The following EIPR1 variants were observed in gnomAD, a reference collection of about 807,000 sequenced individuals.
EIPR1 encodes the protein EARP and GARP complex-interacting protein 1.
EIPR1 carries 25 observed loss-of-function variants against 48.1 expected under a neutral mutation model. That is an observed-to-expected ratio of 0.52 (90% confidence interval 0.38 to 0.73). The LOEUF (loss-of-function observed/expected upper bound fraction) is 0.73. Among genes scored for constraint, EIPR1 ranks in the 30% least tolerant of loss-of-function variants. EIPR1 has a pLI of 0.00. For synonymous variants in EIPR1, 204 were observed against 201.9 expected, an observed-to-expected ratio of 1.01 and a Z score of -0.09; for missense variants, 415 against 506.2, an observed-to-expected ratio of 0.82 and a Z score of 1.73.
chr2:3,234,493 C>T (rs561902458), intron 4 of EIPR1, among the ~76,000 whole-genome samples: 10 of 152,244 alleles, frequency 6.6e-5, no homozygotes, highest in African/African-American at 2.2e-4. Flanking sequence ...TGTGTCACGA[C>T]GCTCCACACT....
At chr2:3,336,056 G>C (rs923549373) in intron 3 of EIPR1, among the ~76,000 whole-genome samples, 1 of 152,152 alleles carries the variant, frequency 6.6e-6, no homozygotes, top group African/African-American at 2.4e-5. Flanking sequence ...TGCAGGCCTA[G>C]GAAGGGCCTC....
intron 7 of EIPR1, among the ~76,000 whole-genome samples, chr2:3,193,150 C>T (rs781335688): frequency 2.4e-4 from 37 of 152,344 alleles, no homozygotes; most frequent in East Asian, 1.2e-3. Flanking sequence ...AGGCCCTTGA[C>T]GCTAGGAGGT....
At chr2:3,235,602 T>C (rs1477340700) in intron 4 of EIPR1, among the ~76,000 whole-genome samples, 1 of 152,236 alleles carries the variant, frequency 6.6e-6, no homozygotes, top group South Asian at 2.1e-4. Context: ...GTGGTGCCCC[T>C]GCAATTACAG....
At position 3,338,153 on chromosome 2, in the gene EIPR1, C is replaced by A; in HGVS notation, c.127-4G>T. The A allele has an allele frequency of 6.2e-7, 1 of 1,608,496 alleles. No homozygotes were observed. The highest frequency in any genetic ancestry group is 8.5e-7 in the Non-Finnish European group (1 of 1,178,902). On this transcript the variant is annotated splice_region_variant and splice_polypyrimidine_tract_variant and intron_variant, in intron 2 of 8. Transcript: ENST00000382125. ...CGTCAAAATCTATGATATGGATCTA[C>A]AAATACAAGAAAAGAGCACATCAGG...
chr2:3,306,825 C>G (rs575457941), intron 3 of EIPR1, among the ~76,000 whole-genome samples: 2 of 151,794 alleles, frequency 1.3e-5, no homozygotes, highest in South Asian at 4.2e-4. Flanking sequence ...CGTAAGTGGA[C>G]CCCCCCAGTC....
intron 1 of EIPR1, among the ~76,000 whole-genome samples, chr2:3,371,749 A>G (rs925912801): frequency 3.3e-5 from 5 of 152,208 alleles, no homozygotes; most frequent in Non-Finnish European, 7.3e-5. Context: ...TGAGTGACCT[A>G]CAAAGAGACT....
chr2:3,318,208 T>C (rs1669374443), intron 3 of EIPR1, among the ~76,000 whole-genome samples: 1 of 152,000 alleles, frequency 6.6e-6, no homozygotes, highest in Admixed American at 6.5e-5. Flanking sequence ...ACATGTGGGG[T>C]TGAGGGAGAA....
chr2:3,352,977 A>G (rs532631367), intron 2 of EIPR1, among the ~76,000 whole-genome samples: 1 of 152,362 alleles, frequency 6.6e-6, no homozygotes, highest in Admixed American at 6.5e-5. Context: ...AGCCTGGGCA[A>G]CAGAGTGAAA....
At chr2:3,365,308 T>C (rs558509402) in intron 1 of EIPR1, among the ~76,000 whole-genome samples, 42 of 151,998 alleles carry the variant, frequency 2.8e-4, no homozygotes, top group African/African-American at 8.9e-4. Context: ...ATAGATTAGA[T>C]AGATAGAGAT....
At chr2:3,238,864 C>A (rs1261464554) in intron 4 of EIPR1, among the ~76,000 whole-genome samples, 4 of 152,214 alleles carry the variant, frequency 2.6e-5, no homozygotes, top group African/African-American at 9.7e-5. Context: ...TCCTTACATT[C>A]ACCGTGCCAC....
chr2:3,344,170 G>A (rs921865035), intron 2 of EIPR1, among the ~76,000 whole-genome samples: 4 of 152,246 alleles, frequency 2.6e-5, no homozygotes, highest in Non-Finnish European at 5.9e-5. Context: ...CTCGGCCGCT[G>A]ATGGCAAACC....
chr2:3,214,851 A>C (rs1047390028), intron 4 of EIPR1, among the ~76,000 whole-genome samples: 3 of 152,180 alleles, frequency 2.0e-5, no homozygotes, highest in African/African-American at 7.2e-5. Context: ...CTGTACTTGA[A>C]ATGGAGCCTT....
At chr2:3,348,737 C>T (rs1026831336) in intron 2 of EIPR1, among the ~76,000 whole-genome samples, 1 of 152,224 alleles carries the variant, frequency 6.6e-6, no homozygotes, top group Non-Finnish European at 1.5e-5. Flanking sequence ...AGGGAATCAA[C>T]GACTGAAAGG....
chr2:3,222,341 G>A (rs1026810626), intron 4 of EIPR1, among the ~76,000 whole-genome samples: 10 of 152,242 alleles, frequency 6.6e-5, no homozygotes, highest in South Asian at 2.1e-4. Flanking sequence ...CTGCCTTGGC[G>A]TGGGCCAAGG....
intron 3 of EIPR1, among the ~76,000 whole-genome samples, chr2:3,322,253 A>G (rs1274646411): frequency 6.6e-6 from 1 of 152,206 alleles, no homozygotes; most frequent in Admixed American, 6.5e-5. Flanking sequence ...GCACTAGCTG[A>G]CCAGGACACA....
chr2:3,303,064 G>C (rs1010474774), intron 3 of EIPR1, among the ~76,000 whole-genome samples: 14 of 152,236 alleles, frequency 9.2e-5, no homozygotes, highest in African/African-American at 2.4e-4. Flanking sequence ...GCTCACAGCT[G>C]CACTCAGTTG....
At chr2:3,290,613 A>G (rs1351219636) in intron 3 of EIPR1, among the ~76,000 whole-genome samples, 1 of 152,134 alleles carries the variant, frequency 6.6e-6, no homozygotes, top group Non-Finnish European at 1.5e-5. Context: ...TCATTTGGCC[A>G]TGAATTTAGG....
intron 5 of EIPR1, chr2:3,209,062 G>A (rs536563401): frequency 7.0e-7 from 1 of 1,433,330 alleles, no homozygotes; most frequent in South Asian, 1.5e-5. Flanking sequence ...GCCTGCTGGT[G>A]GGAAGGCAGG....
chr2:3,201,696 A>C (rs1029637541), intron 5 of EIPR1, among the ~76,000 whole-genome samples: 3 of 152,234 alleles, frequency 2.0e-5, no homozygotes, highest in African/African-American at 7.2e-5. Context: ...CTAAACGCTA[A>C]GCCACAAGAA....
Sources: allele counts gnomAD v4.1 joint callset (sites outside exome capture counted in the v4.1 genomes callset), GRCh38; gene constraint gnomAD v4.1.1; transcripts MANE v1.5; gene names NCBI Gene and HGNC (gene_info 2026-07-23, HGNC 2026-07-21).